MYLK: variants seen among roughly 807,000 people sequenced by gnomAD.
The protein encoded by MYLK is myosin light chain kinase, also known as myosin light chain kinase, smooth muscle.
In MYLK, 106 loss-of-function variants were observed where a neutral mutation model predicts 203.4. The ratio of observed to expected loss-of-function variants is 0.52; its 90% confidence interval spans 0.45 to 0.61. The LOEUF (loss-of-function observed/expected upper bound fraction) is 0.61, where lower values mean the gene tolerates loss of function less well. Ranked by LOEUF, MYLK falls within the 20% of genes least tolerant of loss-of-function variation. The pLI is 0.00. For synonymous variants in MYLK, 867 were observed against 959.5 expected (o/e 0.90, Z 1.78); for missense variants, 2,072 against 2,442.3 (o/e 0.85, Z 3.20).
chr3:123,656,072 TC>T (rs1341506159), intron 24 of MYLK, among the ~76,000 whole-genome samples: 1 of 152,110 alleles, frequency 6.6e-6, no homozygotes, highest in East Asian at 1.9e-4. Flanking sequence ...TTTCCATCCC[TC>T]CCCTGGACTG....
intron 24 of MYLK, among the ~76,000 whole-genome samples, chr3:123,653,421 GT>G (rs1324924843): frequency 6.6e-6 from 1 of 152,194 alleles, no homozygotes; most frequent in Non-Finnish European, 1.5e-5. Flanking sequence ...CTTGCCAACT[GT>G]TCTGCCCTCT....
chr3:123,639,725 C>T (rs2058766637), intron 28 of MYLK, among the ~76,000 whole-genome samples: 1 of 152,316 alleles, frequency 6.6e-6, no homozygotes, highest in East Asian at 1.9e-4. Flanking sequence ...GTTCCAATCC[C>T]AGCACATCCC....
At position 123,640,519 on chromosome 3, in the gene MYLK, G is replaced by A; in HGVS notation, c.4620-15C>T. 6.2e-7 allele frequency: 1 copy of A among 1,613,342 alleles called. No homozygotes were observed. The highest frequency in any genetic ancestry group is 8.5e-7 in the Non-Finnish European group (1 of 1,179,930). On this transcript the variant is annotated splice_polypyrimidine_tract_variant and intron_variant, in intron 27 of 33. Coordinates refer to ENST00000360304, the MANE Select transcript of MYLK (RefSeq NM_053025.4). This position sits in a 1 kb window ranked among gnomAD's most constrained non-coding sequence, Gnocchi z 4.3. Reference sequence around the variant, plus strand: ...CTCCTGACACGCTGCGGGAACACGTGCACGGGGTGGTCAGGCCACAGGCTC... The same window carrying A: ...CTCCTGACACGCTGCGGGAACACGTACACGGGGTGGTCAGGCCACAGGCTC...
intron 16 of MYLK, among the ~76,000 whole-genome samples, chr3:123,703,642 C>T (rs1393894181): frequency 6.6e-6 from 1 of 152,096 alleles, no homozygotes; most frequent in African/African-American, 2.4e-5. Context: ...GTTCTCAACA[C>T]TTAAAAAGGC....
rs758615963 is a variant in MYLK at position 123,732,887 on chromosome 3, T to C, written c.1516+9A>G. On this transcript the variant is annotated intron_variant, in intron 11 of 33. Transcript: ENST00000360304. The stretch of plus-strand genomic sequence containing the variant: ...GAGAATGCGGGGTGACCTGGAGAAG[T>C]GTACTCACTTTCCACTTGGAGGGTC... 6.2e-7 allele frequency: 1 copy of C among 1,613,156 alleles called. No individual in the cohort carries two copies.
Position 123,752,546 on chromosome 3 carries a change from A to G in MYLK, c.166-8T>C, listed in dbSNP as rs1394940650. On this transcript the variant is annotated splice_polypyrimidine_tract_variant and splice_region_variant and intron_variant, in intron 4 of 33. Coordinates refer to ENST00000360304, the MANE Select transcript of MYLK (RefSeq NM_053025.4). Reference sequence around the variant, plus strand: ...CTCTGGGTAACCCCGGACCTTCAAGAAAAAGAAGAAAGGGTAAGAGCCTGT... The same window carrying G: ...CTCTGGGTAACCCCGGACCTTCAAGGAAAAGAAGAAAGGGTAAGAGCCTGT... 1.2e-6 allele frequency: 2 copies of G among 1,609,508 alleles called. No individual in the cohort carries two copies. The highest frequency in any genetic ancestry group is 1.1e-5 in the South Asian group (1 of 90,540).
intron 27 of MYLK, among the ~76,000 whole-genome samples, chr3:123,644,955 A>G (rs970724628): frequency 3.3e-5 from 5 of 152,230 alleles, no homozygotes; most frequent in African/African-American, 9.6e-5. Flanking sequence ...GGATTTGACA[A>G]TTGCAAAATC....
rs60797453 is a variant in MYLK at position 123,749,074 on chromosome 3, AATACATACATACATAC to A, written c.373+3241_373+3256del. Among the ~76,000 whole-genome samples the A allele has an allele frequency of 7.9e-3, 1,126 of 142,336 alleles. 12 individuals carry two copies. The highest frequency in any genetic ancestry group is 0.028 in the African/African-American group (1,060 of 38,518). The allele number at this position is 142,336 out of a possible 152,430, so 93.4% of individuals were successfully genotyped here. ...ACACGGCAAGACCCTGTCTCAGAAA[AATACATACATACATAC>A]ATACATACATACATACATACATACA... On this transcript the variant is annotated intron_variant, in intron 5 of 33. Coordinates refer to ENST00000360304, the MANE Select transcript of MYLK (RefSeq NM_053025.4).
chr3:123,757,418 C>T (rs2063391331), intron 4 of MYLK, among the ~76,000 whole-genome samples: 2 of 152,140 alleles, frequency 1.3e-5, no homozygotes, highest in African/African-American at 4.8e-5. Context: ...GCGCAATGCA[C>T]ACACTACAAA....
intron 13 of MYLK, among the ~76,000 whole-genome samples, chr3:123,713,447 A>G (rs72970835): frequency 0.041 from 6,250 of 152,216 alleles, 428 homozygotes; most frequent in African/African-American, 0.14. Flanking sequence ...AAAGGGAACC[A>G]GTCTCCTCCA....
chr3:123,667,030 G>T, intron 21 of MYLK, 107 bp downstream of exon 21: 1 of 1,027,794 alleles, frequency 9.7e-7, no homozygotes, highest in Non-Finnish European at 1.5e-6. Flanking sequence ...GGGTTGCAGT[G>T]GGGTGTCTCC....
intron 4 of MYLK, among the ~76,000 whole-genome samples, chr3:123,759,924 C>G (rs1202044313): frequency 5.3e-5 from 8 of 152,172 alleles, no homozygotes; most frequent in Non-Finnish European, 2.9e-5. Context: ...TGGACCCGCT[C>G]AGGTATATGA....
intron 2 of MYLK, among the ~76,000 whole-genome samples, chr3:123,865,893 A>T (rs2148699635): frequency 6.6e-6 from 1 of 152,290 alleles, no homozygotes; most frequent in East Asian, 1.9e-4. Flanking sequence ...CTCTCATGGA[A>T]TGCTCCTTCT....
intron 24 of MYLK, among the ~76,000 whole-genome samples, chr3:123,653,429 C>A (rs1655563724): frequency 6.6e-6 from 1 of 152,192 alleles, no homozygotes; most frequent in African/African-American, 2.4e-5. Flanking sequence ...CTGTTCTGCC[C>A]TCTTCCTCCT....
chr3:123,618,841 A>G (rs2057674160), intron 32 of MYLK, 71 bp from the exon 33 acceptor site: 1 of 1,599,282 alleles, frequency 6.3e-7, no homozygotes, highest in Non-Finnish European at 8.5e-7. Context: ...GCTTAAAGAA[A>G]CTAACTTTTA....
chr3:123,725,812 T>C (rs997689521), intron 12 of MYLK, 132 bp downstream of exon 12: 2 of 1,369,360 alleles, frequency 1.5e-6, no homozygotes, highest in African/African-American at 2.9e-5. Context: ...GTGCTCTCTT[T>C]GTGCCCTGTG....
In MYLK at chr3:123,742,745, T is replaced by C. The variant is rs551594206; in HGVS notation, c.374-2744A>G. On this transcript the variant is annotated intron_variant, in intron 5 of 33. Coordinates refer to ENST00000360304, the MANE Select transcript of MYLK (RefSeq NM_053025.4). ...TTAGACTGATTAACTGATGAATGGATAAAGAAAATGTGGTGCATCCATACA... is the reference window on the plus strand; with the variant it reads ...TTAGACTGATTAACTGATGAATGGACAAAGAAAATGTGGTGCATCCATACA... 1.2e-4 allele frequency among the ~76,000 whole-genome samples: 18 copies of C among 152,332 alleles called. No homozygotes were observed. The South Asian group carries it at 3.7e-3, about 32-fold the overall frequency.
intron 19 of MYLK, chr3:123,691,143 C>T (rs1406011675): frequency 6.6e-6 from 1 of 152,186 alleles, no homozygotes; most frequent in African/African-American, 2.4e-5. Context: ...CCTTCACTAG[C>T]TCGGGAACCA....
Position 123,692,841 on chromosome 3 carries a change from G to C in MYLK, c.3459C>G (p.Cys1153Trp). The C allele has an allele frequency of 6.2e-7, 1 of 1,613,802 alleles. No homozygotes were observed. Among genetic ancestry groups the C allele is most frequent in the East Asian group, 2.2e-5 (1 of 44,866 alleles). The change falls in exon 19 of 34, where the codon TGC (cysteine) becomes TGG (tryptophan). Residue 1153 changes from cysteine (C) to tryptophan (W), a missense_variant. By Grantham distance (215) the Cys-to-Trp change is radical. This residue lies in a region of MYLK where 865 missense variants were observed against 1,016.0 expected (regional missense o/e 0.85). Coordinates refer to ENST00000360304, the MANE Select transcript of MYLK (RefSeq NM_053025.4). ...GCAGTGCCTTCTCGATGGAGACGGA[G>C]CAGAGTGAGCCTGGGGAGGAAGAAT... ...FIILSQEGSL[C>W]SVSIEKALPE...
Sources: gnomAD v4.1 joint callset for allele counts (sites outside exome capture counted in the v4.1 genomes callset) on GRCh38, gnomAD v4.1.1 for gene constraint, gnomAD v4.1.1 regional missense constraint, Gnocchi (gnomAD v3.1) non-coding constraint, MANE v1.5 for transcripts, NCBI Gene and HGNC (gene_info 2026-07-23, HGNC 2026-07-21) for gene names.